Variants in DACH1 observed in about 807,000 individuals in gnomAD.
DACH1 encodes dachshund homolog 1.
DACH1 carries 12 observed loss-of-function variants against 54.2 expected under a neutral mutation model. That is an observed-to-expected ratio of 0.22 (90% CI 0.14 to 0.36). DACH1 has a LOEUF of 0.36. Among genes scored for constraint, DACH1 ranks in the 10% least tolerant of loss-of-function variants. The probability of loss-of-function intolerance (pLI) is 1.00; values close to 1 mark genes in which losing one functional copy is unlikely to be tolerated. For missense variants in DACH1, 805 were observed against 929.8 expected (o/e 0.87, Z 1.75); for synonymous variants, 386 against 366.2 (o/e 1.05, Z -0.62).
chr13:71,538,046 T>C (rs1431854911), intron 6 of DACH1, among the ~76,000 whole-genome samples: 2 of 152,082 alleles, frequency 1.3e-5, no homozygotes, highest in Non-Finnish European at 2.9e-5. Context: ...TCTACTTCTC[T>C]AGACCAGCAA....
chr13:71,835,478 G>T (rs750429630), intron 1 of DACH1, among the ~76,000 whole-genome samples: 11 of 151,964 alleles, frequency 7.2e-5, no homozygotes, highest in Admixed American at 1.3e-4. Flanking sequence ...CTCCAAGTAA[G>T]GTAATTTTGT....
At chr13:71,481,077 C>G (rs1377276714) in intron 7 of DACH1, among the ~76,000 whole-genome samples, 1 of 152,198 alleles carries the variant, frequency 6.6e-6, no homozygotes, top group Non-Finnish European at 1.5e-5. Context: ...TGAAAGAGAT[C>G]ATTACATCAA....
At chr13:71,732,468 C>A (rs1172877247) in intron 1 of DACH1, among the ~76,000 whole-genome samples, 4 of 151,666 alleles carry the variant, frequency 2.6e-5, no homozygotes, top group Non-Finnish European at 4.4e-5. Context: ...ACCTGTAATC[C>A]CAGCTACTTG....
At chr13:71,519,590 G>A (rs1267600723) in intron 6 of DACH1, among the ~76,000 whole-genome samples, 1 of 151,230 alleles carries the variant, frequency 6.6e-6, no homozygotes, top group Non-Finnish European at 1.5e-5. Flanking sequence ...ATGTAATTGG[G>A]TTAAAGGTGA....
rs1011881051 is a variant in DACH1 at position 71,451,161 on chromosome 13, C to T, written c.2084-10469G>A. On this transcript the variant is annotated intron_variant, in intron 10 of 10. Transcript: ENST00000613252. The stretch of plus-strand genomic sequence containing the variant: ...GCCCTTCGACAAAGTGTTTTAGTCA[C>T]GAATGAGTGGCCTAAACTCATGTAC... Among the ~76,000 whole-genome samples, 5 of 152,064 alleles carry T rather than the reference C, an allele frequency of 3.3e-5. 1 individual carries two copies. The highest frequency in any genetic ancestry group is 2.1e-4 in the South Asian group (1 of 4,818).
chr13:71,863,335 T>G (rs1874476734), intron 1 of DACH1, among the ~76,000 whole-genome samples: 1 of 152,120 alleles, frequency 6.6e-6, no homozygotes, highest in Admixed American at 6.5e-5. Context: ...CCTTCTCAAG[T>G]TAATGACTAC....
At chr13:71,514,468 G>C (rs1039068530) in intron 6 of DACH1, among the ~76,000 whole-genome samples, 1 of 151,678 alleles carries the variant, frequency 6.6e-6, no homozygotes, top group Non-Finnish European at 1.5e-5. Flanking sequence ...GCTACTACAA[G>C]TTCATGTAAA....
intron 2 of DACH1, among the ~76,000 whole-genome samples, chr13:71,637,244 T>C (rs932837580): frequency 6.6e-6 from 1 of 152,158 alleles, no homozygotes; most frequent in Admixed American, 6.6e-5. Context: ...ATAACAATTC[T>C]GACCTCACAG....
At chr13:71,838,690 C>T (rs1203382162) in intron 1 of DACH1, among the ~76,000 whole-genome samples, 1 of 151,874 alleles carries the variant, frequency 6.6e-6, no homozygotes, top group Non-Finnish European at 1.5e-5. Flanking sequence ...GGATCATGAC[C>T]TCTCACTTTC....
intron 1 of DACH1, among the ~76,000 whole-genome samples, chr13:71,743,545 G>A (rs1359504806): frequency 1.3e-5 from 2 of 152,160 alleles, no homozygotes; most frequent in Non-Finnish European, 2.9e-5. Context: ...AAATGGAGAG[G>A]GTTTCAGTAT....
intron 1 of DACH1, among the ~76,000 whole-genome samples, chr13:71,852,621 G>A (rs1873748296): frequency 6.6e-6 from 1 of 152,150 alleles, no homozygotes; most frequent in African/African-American, 2.4e-5. Flanking sequence ...AAGGAATAGC[G>A]ATGCTCTCTT....
chr13:71,644,693 T>C (rs945918890), intron 2 of DACH1, among the ~76,000 whole-genome samples: 1 of 152,106 alleles, frequency 6.6e-6, no homozygotes, highest in African/African-American at 2.4e-5. Context: ...CTAGCAGCAT[T>C]TGGACAGAAC....
chr13:71,556,917 A>G (rs2138375265), intron 6 of DACH1, 107 bp downstream of exon 6: 1 of 1,208,340 alleles, frequency 8.3e-7, no homozygotes, highest in Non-Finnish European at 1.1e-6. Context: ...AAACATTTAT[A>G]TGCTTTTTTT....
At chr13:71,596,346 GA>G (rs2138477126) in intron 3 of DACH1, among the ~76,000 whole-genome samples, 1 of 152,192 alleles carries the variant, frequency 6.6e-6, no homozygotes, top group Admixed American at 6.5e-5. Flanking sequence ...GGAAAATACA[GA>G]GACGACATGA....
At chr13:71,598,933 T>G (rs1874302747) in intron 3 of DACH1, among the ~76,000 whole-genome samples, 1 of 152,154 alleles carries the variant, frequency 6.6e-6, no homozygotes, top group Non-Finnish European at 1.5e-5. Context: ...TATTTTTATA[T>G]TTTGTTTATT....
At chr13:71,540,217 AT>A (rs1452915531) in intron 6 of DACH1, among the ~76,000 whole-genome samples, 3 of 151,878 alleles carry the variant, frequency 2.0e-5, no homozygotes, top group African/African-American at 7.3e-5. Context: ...TGCATTAGAG[AT>A]TTTAATCAGG....
intron 3 of DACH1, among the ~76,000 whole-genome samples, chr13:71,595,763 C>T (rs182598456): frequency 7.2e-5 from 11 of 152,184 alleles, no homozygotes; most frequent in Admixed American, 1.3e-4. Context: ...TCCTTGTATC[C>T]TCTCTGCCCA....
chr13:71,599,573 T>C (rs1288464651), intron 3 of DACH1, among the ~76,000 whole-genome samples: 4 of 152,094 alleles, frequency 2.6e-5, no homozygotes, highest in Non-Finnish European at 5.9e-5. Context: ...GCAGGAAAAG[T>C]CAATTAATAC....
rs147610998 is a variant in DACH1 at position 71,488,150 on chromosome 13, A to C, written c.1722+847T>G. 5.6e-3 allele frequency among the ~76,000 whole-genome samples: 858 copies of C among 152,336 alleles called. 5 individuals are homozygous for C. The highest frequency in any genetic ancestry group is 7.5e-3 in the Non-Finnish European group (512 of 68,016). On this transcript the variant is annotated intron_variant, in intron 7 of 10. Coordinates refer to ENST00000613252, the MANE Select transcript of DACH1 (RefSeq NM_080759.6). ...CTTTAATATGATAGGATATGTGTACAGAAAAATATTACTGAGGATGGAATG... is the reference window on the plus strand; with the variant it reads ...CTTTAATATGATAGGATATGTGTACCGAAAAATATTACTGAGGATGGAATG...
Sources: allele counts gnomAD v4.1 joint callset (sites outside exome capture counted in the v4.1 genomes callset), GRCh38; gene constraint gnomAD v4.1.1; transcripts MANE v1.5; gene names NCBI Gene and HGNC (gene_info 2026-07-23, HGNC 2026-07-21).